SIPA1L3: variants seen among roughly 807,000 people sequenced by gnomAD.
SIPA1L3 encodes signal-induced proliferation-associated 1-like protein 3.
A neutral mutation model predicts 150.1 loss-of-function variants in SIPA1L3; 59 were observed. The observed-to-expected ratio is 0.39, with a 90% confidence interval of 0.32 to 0.49. The LOEUF is 0.49. Among genes scored for constraint, SIPA1L3 ranks in the 20% least tolerant of loss-of-function variants. The probability of loss-of-function intolerance (pLI) is 0.86; values close to 1 mark genes in which losing one functional copy is unlikely to be tolerated. For synonymous variants in SIPA1L3, 1,070 were observed against 1,077.6 expected, an observed-to-expected ratio of 0.99 and a Z score of 0.14; for missense variants, 2,211 against 2,489.5, an observed-to-expected ratio of 0.89 and a Z score of 2.38.
chr19:38,106,495 G>T (rs767856766), intron 6 of SIPA1L3, 42 bp from the exon 7 acceptor site: 10 of 1,364,710 alleles, frequency 7.3e-6, no homozygotes, highest in Non-Finnish European at 8.4e-6. Context: ...CAAAAACCCA[G>T]AGGTTTTGGA....
At chr19:38,079,844 C>A (rs1193149700) in intron 2 of SIPA1L3, among the ~76,000 whole-genome samples, 1 of 152,164 alleles carries the variant, frequency 6.6e-6, no homozygotes, top group African/African-American at 2.4e-5. Flanking sequence ...GTGTGAGCCA[C>A]CGTGCCCAGC....
intron 1 of SIPA1L3, among the ~76,000 whole-genome samples, chr19:37,939,536 C>T (rs1242812081): frequency 6.6e-6 from 1 of 152,130 alleles, no homozygotes; most frequent in African/African-American, 2.4e-5. Flanking sequence ...AGCCTGTGTT[C>T]TCATCAGGGA....
chr19:38,026,014 C>A (rs1484400622), intron 1 of SIPA1L3, among the ~76,000 whole-genome samples: 1 of 152,278 alleles, frequency 6.6e-6, no homozygotes, highest in African/African-American at 2.4e-5. Context: ...GTTGCCTCTG[C>A]CCTTCTGTGT....
intron 1 of SIPA1L3, among the ~76,000 whole-genome samples, chr19:37,911,002 A>G (rs2046372833): frequency 1.3e-5 from 2 of 152,336 alleles, no homozygotes; most frequent in Non-Finnish European, 2.9e-5. Flanking sequence ...CAAGAAATTC[A>G]TGCTTGTTGT....
rs1973009836 is a variant in SIPA1L3, at chr19:38,198,286, C to T, written c.4841-103C>T. On this transcript the variant is annotated intron_variant, in intron 18 of 21. Transcript: ENST00000222345. ...ACCCCTTACCCTGCTGGAGGTTTTCCTGGGCATGTAGCATCTCTGCATAAG... is the reference window on the plus strand; with the variant it reads ...ACCCCTTACCCTGCTGGAGGTTTTCTTGGGCATGTAGCATCTCTGCATAAG... 6 of 1,309,128 alleles carry T rather than the reference C, an allele frequency of 4.6e-6. No individual in the cohort carries two copies. The South Asian group carries it at 9.3e-5, about 20-fold the overall frequency. The allele number at this position is 1,309,128 out of a possible 1,614,324, so 81.1% of individuals were successfully genotyped here.
intron 1 of SIPA1L3, among the ~76,000 whole-genome samples, chr19:38,011,618 G>T (rs569974631): frequency 1.3e-5 from 2 of 152,228 alleles, no homozygotes; most frequent in Non-Finnish European, 2.9e-5. Context: ...ACGTGCAAAG[G>T]CCCCAGGGCA....
chr19:38,156,572 C>T (rs1258955916), intron 13 of SIPA1L3, among the ~76,000 whole-genome samples: 1 of 150,296 alleles, frequency 6.7e-6, no homozygotes, highest in Admixed American at 6.7e-5. Context: ...CGCCTGTAAT[C>T]CCAGCACTTT....
intron 4 of SIPA1L3, among the ~76,000 whole-genome samples, chr19:38,093,139 A>G (rs1001626190): frequency 2.0e-5 from 3 of 152,248 alleles, no homozygotes; most frequent in Middle Eastern, 6.8e-3. Context: ...GATTACAGGC[A>G]TGAGCCACCA....
chr19:37,908,509 T>C (rs2046353951), intron 1 of SIPA1L3, among the ~76,000 whole-genome samples: 1 of 152,242 alleles, frequency 6.6e-6, no homozygotes, highest in South Asian at 2.1e-4. Flanking sequence ...CATAGGACTT[T>C]TGTGCCAGGA....
chr19:37,915,916 G>C (rs1009170770), intron 1 of SIPA1L3, among the ~76,000 whole-genome samples: 16 of 152,160 alleles, frequency 1.1e-4, no homozygotes, highest in Non-Finnish European at 2.4e-4. Context: ...GGGTGGGCAT[G>C]GTGGCTCAGG....
chr19:38,188,260 A>C (rs576878392), intron 16 of SIPA1L3, among the ~76,000 whole-genome samples: 10 of 151,848 alleles, frequency 6.6e-5, no homozygotes, highest in African/African-American at 2.4e-4. Context: ...ATCACAGCTC[A>C]CTGCAGCCTC....
At chr19:38,089,805 A>G (rs928111418) in intron 4 of SIPA1L3, among the ~76,000 whole-genome samples, 3 of 152,262 alleles carry the variant, frequency 2.0e-5, no homozygotes, top group Non-Finnish European at 4.4e-5. Context: ...AGTCAGAAAT[A>G]GCATTCATTG....
chr19:38,165,652 C>T (rs544347719), intron 15 of SIPA1L3, among the ~76,000 whole-genome samples: 24 of 152,362 alleles, frequency 1.6e-4, no homozygotes, highest in African/African-American at 5.0e-4. Context: ...CCGTATACGG[C>T]GATGGTCCCC....
At chr19:38,140,095 G>T (rs905003150) in intron 10 of SIPA1L3, among the ~76,000 whole-genome samples, 6 of 147,570 alleles carry the variant, frequency 4.1e-5, no homozygotes, top group African/African-American at 1.2e-4. Context: ...CTTTTGCTGG[G>T]TGGCCATGAA....
intron 18 of SIPA1L3, among the ~76,000 whole-genome samples, chr19:38,196,748 G>A (rs956315292): frequency 8.7e-5 from 13 of 149,518 alleles, no homozygotes; most frequent in East Asian, 2.0e-4. Flanking sequence ...CATGGAGGCC[G>A]AGGGGGGAGC....
intron 1 of SIPA1L3, among the ~76,000 whole-genome samples, chr19:37,998,746 C>A (rs1450395761): frequency 6.6e-6 from 1 of 152,020 alleles, no homozygotes; most frequent in African/African-American, 2.4e-5. Flanking sequence ...CAAGATCACA[C>A]CACTGTAGCA....
At chr19:37,931,682 G>A (rs1291282149) in intron 1 of SIPA1L3, among the ~76,000 whole-genome samples, 1 of 152,146 alleles carries the variant, frequency 6.6e-6, no homozygotes, top group African/African-American at 2.4e-5. Flanking sequence ...TCCAGAAGGC[G>A]GAGGTTGCAG....
intron 15 of SIPA1L3, among the ~76,000 whole-genome samples, chr19:38,177,090 G>T (rs563131211): frequency 6.6e-6 from 1 of 152,194 alleles, no homozygotes; most frequent in South Asian, 2.1e-4. Context: ...GGCCGGGCGC[G>T]GTGGCTCACT....
At position 37,987,877 on chromosome 19, in the gene SIPA1L3, G is replaced by A. The variant is rs117649746; in HGVS notation, c.-378-41212G>A. Among the ~76,000 whole-genome samples, 67 of 152,344 alleles carry A rather than the reference G, an allele frequency of 4.4e-4. 2 individuals are homozygous for A. In the East Asian group the frequency reaches 8.9e-3, roughly 20 times the overall value. On this transcript the variant is annotated intron_variant, in intron 1 of 21. Coordinates refer to ENST00000222345, the MANE Select transcript of SIPA1L3 (RefSeq NM_015073.3). ...AGCAAGTGGGGAAAGGATAATAAAC[G>A]GAGCTTGGTATTTGTGTTGGGAGAG...
Sources: allele counts gnomAD v4.1 joint callset (sites outside exome capture counted in the v4.1 genomes callset), GRCh38; gene constraint gnomAD v4.1.1; transcripts MANE v1.5; gene names NCBI Gene and HGNC (gene_info 2026-07-23, HGNC 2026-07-21).